TANC2: variants seen among roughly 807,000 people sequenced by gnomAD.
TANC2 encodes tetratricopeptide repeat, ankyrin repeat and coiled-coil containing 2.
In TANC2, 26 loss-of-function variants were observed where a neutral mutation model predicts 210.5. That is an observed-to-expected ratio of 0.12 (90% CI 0.09 to 0.17). TANC2 has a LOEUF of 0.17. Among genes scored for constraint, TANC2 ranks in the 10% least tolerant of loss-of-function variants. The pLI is 1.00. For synonymous variants in TANC2, 931 were observed against 967.1 expected, an observed-to-expected ratio of 0.96 and a Z score of 0.69; for missense variants, 2,129 against 2,608.9, an observed-to-expected ratio of 0.82 and a Z score of 4.01.
intron 9 of TANC2, among the ~76,000 whole-genome samples, chr17:63,293,059 T>C (rs757735408): frequency 6.6e-6 from 1 of 152,236 alleles, no homozygotes; most frequent in Non-Finnish European, 1.5e-5. Flanking sequence ...CCATTATCTT[T>C]AGAGTGTGTT....
chr17:63,265,352 T>C (rs1330419758), intron 8 of TANC2, among the ~76,000 whole-genome samples: 3 of 152,198 alleles, frequency 2.0e-5, no homozygotes, highest in Middle Eastern at 3.2e-3. Context: ...AGGGAAGGGA[T>C]ACTCAACCTA....
At chr17:63,389,699 C>A in intron 17 of TANC2, 155 bp downstream of exon 17, 2 of 737,558 alleles carry the variant, frequency 2.7e-6, no homozygotes, top group Non-Finnish European at 4.5e-6. Flanking sequence ...TGCATATGTG[C>A]AGGGCCACTG....
In TANC2 at chr17:63,418,488, A is replaced by G; in HGVS notation, c.4268+81A>G. On this transcript the variant is annotated intron_variant, in intron 27 of 27. Transcript: ENST00000689528. The surrounding 1 kb of genome is among the most constrained non-coding windows in gnomAD (Gnocchi z 4.6). ...AAGGCAGCGTCGGCCACCCTGGGGCATATGTACCCAAATACATCTCTGTCC... is the reference window on the plus strand; with the variant it reads ...AAGGCAGCGTCGGCCACCCTGGGGCGTATGTACCCAAATACATCTCTGTCC... The G allele has an allele frequency of 1.6e-6, 2 of 1,228,214 alleles. No homozygotes were observed. The highest frequency in any genetic ancestry group is 2.1e-5 in the Admixed American group (1 of 48,438). The allele number at this position is 1,228,214 out of a possible 1,614,324, so 76.1% of individuals were successfully genotyped here. A position where few individuals can be genotyped will look rare whatever the true frequency, so the allele number is the denominator to read the frequency against.
At chr17:63,253,465 T>C (rs1263102407) in intron 8 of TANC2, among the ~76,000 whole-genome samples, 7 of 152,204 alleles carry the variant, frequency 4.6e-5, no homozygotes, top group Admixed American at 4.6e-4. Context: ...TTTGTTCATT[T>C]TTGTTTGGGC....
chr17:62,992,677 C>T (rs1037373005), intron 1 of TANC2, among the ~76,000 whole-genome samples: 1 of 152,176 alleles, frequency 6.6e-6, no homozygotes, highest in Non-Finnish European at 1.5e-5. Flanking sequence ...TGGATCACCA[C>T]ATTAATAGTG....
At chr17:63,331,665 G>C (rs896685848) in intron 11 of TANC2, among the ~76,000 whole-genome samples, 8 of 152,178 alleles carry the variant, frequency 5.3e-5, no homozygotes, top group African/African-American at 1.9e-4. Context: ...AAAGAATTAA[G>C]AAGAGAGGGA....
At chr17:63,227,901 T>C (rs2042370080) in intron 7 of TANC2, among the ~76,000 whole-genome samples, 1 of 152,124 alleles carries the variant, frequency 6.6e-6, no homozygotes, top group Admixed American at 6.5e-5. Context: ...TTTTGTTCTG[T>C]CACCCAGGCC....
chr17:63,247,658 A>G (rs2042953916), intron 8 of TANC2, among the ~76,000 whole-genome samples: 1 of 152,094 alleles, frequency 6.6e-6, no homozygotes, highest in Non-Finnish European at 1.5e-5. Context: ...TAGATTCTTA[A>G]GCAGTACTTA....
chr17:63,392,073 T>C (rs1331475621), intron 17 of TANC2, among the ~76,000 whole-genome samples: 1 of 152,110 alleles, frequency 6.6e-6, no homozygotes, highest in African/African-American at 2.4e-5. Context: ...GCTGCCCCTC[T>C]CTTCTTCTTC....
chr17:63,142,062 C>T (rs2039310099), intron 4 of TANC2, among the ~76,000 whole-genome samples: 1 of 152,158 alleles, frequency 6.6e-6, no homozygotes, highest in Non-Finnish European at 1.5e-5. Context: ...ATTTCTTATA[C>T]ACTGTTGGTA....
chr17:63,413,484 T>G, intron 24 of TANC2, 59 bp from the exon 25 acceptor site: 1 of 1,371,690 alleles, frequency 7.3e-7, no homozygotes, highest in Non-Finnish European at 9.9e-7. Flanking sequence ...TTCACCTAGC[T>G]TCCTACCACC....
intron 7 of TANC2, among the ~76,000 whole-genome samples, chr17:63,205,365 A>AC (rs2041673105): frequency 6.7e-6 from 1 of 148,402 alleles, no homozygotes; most frequent in African/African-American, 2.5e-5. Context: ...AAAAAAAAAA[A>AC]AAAAAAACCT....
intron 4 of TANC2, among the ~76,000 whole-genome samples, chr17:63,126,077 G>A (rs1290645694): frequency 6.6e-6 from 1 of 152,144 alleles, no homozygotes; most frequent in Non-Finnish European, 1.5e-5. Flanking sequence ...TTACATGAGT[G>A]AATGACTTTG....
chr17:63,257,363 G>A (rs2043224581), intron 8 of TANC2, among the ~76,000 whole-genome samples: 1 of 151,712 alleles, frequency 6.6e-6, no homozygotes, highest in Non-Finnish European at 1.5e-5. Context: ...ATCTGGTTTC[G>A]GTTTTTGTTT....
intron 9 of TANC2, among the ~76,000 whole-genome samples, chr17:63,309,143 C>T (rs1321030966): frequency 6.6e-6 from 1 of 152,054 alleles, no homozygotes; most frequent in Non-Finnish European, 1.5e-5. Context: ...CCTTTACTAA[C>T]ACCATACATG....
exon 28 of TANC2, chr17:63,426,320 T>C (rs2049142064): frequency 6.6e-6 from 1 of 152,304 alleles, no homozygotes; most frequent in Non-Finnish European, 1.5e-5. Context: ...AGACGTGTCA[T>C]GGAACCCTTC....
At chr17:63,309,871 A>G (rs1020353841) in intron 9 of TANC2, among the ~76,000 whole-genome samples, 17 of 152,204 alleles carry the variant, frequency 1.1e-4, no homozygotes, top group Non-Finnish European at 2.2e-4. Flanking sequence ...AACAAACTAG[A>G]TAACTTAAAA....
chr17:63,415,745 T>C, intron 26 of TANC2, 71 bp downstream of exon 26: 1 of 1,550,742 alleles, frequency 6.4e-7, no homozygotes. Context: ...CACTAGCTTT[T>C]ACCAGGCCCC....
chr17:63,395,758 A>G, exon 18 of TANC2: 1 of 1,613,424 alleles, frequency 6.2e-7, no homozygotes, highest in Non-Finnish European at 8.5e-7. Context: ...TCATTTGGAT[A>G]AGAACGGGCA....
Sources: gnomAD v4.1 joint callset for allele counts (sites outside exome capture counted in the v4.1 genomes callset) on GRCh38, gnomAD v4.1.1 for gene constraint, Gnocchi (gnomAD v3.1) non-coding constraint, MANE v1.5 for transcripts, NCBI Gene and HGNC (gene_info 2026-07-23, HGNC 2026-07-21) for gene names.